The following MRTFA variants were observed in gnomAD, a reference collection of about 807,000 sequenced individuals.
MRTFA encodes myocardin related transcription factor A.
A neutral mutation model predicts 83.5 loss-of-function variants in MRTFA; 20 were observed. The ratio of observed to expected loss-of-function variants is 0.24; its 90% CI spans 0.17 to 0.35. The LOEUF (loss-of-function observed/expected upper bound fraction) is 0.35, where lower values mean the gene tolerates loss of function less well. Among genes scored for constraint, MRTFA ranks in the 10% least tolerant of loss-of-function variants. The pLI is 1.00. For synonymous variants in MRTFA, 659 were observed against 541.2 expected, an observed-to-expected ratio of 1.22 and a Z score of -3.02; for missense variants, 1,200 against 1,224.7, an observed-to-expected ratio of 0.98 and a Z score of 0.30.
At chr22:40,595,116 C>CTTTTT (rs778797295) in intron 1 of MRTFA, among the ~76,000 whole-genome samples, 2 of 119,300 alleles carry the variant, frequency 1.7e-5, no homozygotes, top group African/African-American at 3.2e-5. Context: ...TGATAAATGC[C>CTTTTT]TTTTTTTTTT....
intron 1 of MRTFA, among the ~76,000 whole-genome samples, chr22:40,626,538 C>A (rs1311489761): frequency 6.6e-6 from 1 of 152,120 alleles, no homozygotes; most frequent in Non-Finnish European, 1.5e-5. Flanking sequence ...AGCAATCCTC[C>A]CAAAGTACTG....
intron 2 of MRTFA, among the ~76,000 whole-genome samples, chr22:40,585,504 A>G (rs1034989159): frequency 1.3e-5 from 2 of 152,198 alleles, no homozygotes; most frequent in African/African-American, 2.4e-5. Context: ...TGACAGTTGC[A>G]TAACATTATG....
intron 4 of MRTFA, among the ~76,000 whole-genome samples, chr22:40,452,771 A>C (rs1199131830): frequency 7.0e-6 from 1 of 142,576 alleles, no homozygotes; most frequent in Non-Finnish European, 1.5e-5. Context: ...GCCCCACTGC[A>C]CTCCTGCCTG....
In MRTFA at chr22:40,418,821, G is replaced by A. The variant is rs759668949; in HGVS notation, c.1917C>T (p.Arg639=). 1.2e-5 allele frequency: 19 copies of A among 1,610,598 alleles called. No individual in the cohort carries two copies. The highest frequency in any genetic ancestry group is 1.7e-5 in the Admixed American group (1 of 59,970). ...CCAGCTGCTGCTTCTGCCGGAGCATGCGCGTCAGCGCCTCGATCTGCTTGT... is the reference window on the plus strand; with the variant it reads ...CCAGCTGCTGCTTCTGCCGGAGCATACGCGTCAGCGCCTCGATCTGCTTGT... Residue 639 remains arginine (R), a synonymous_variant, in exon 12 of 15, where the codon CGC becomes CGT. Transcript: ENST00000355630.
intron 3 of MRTFA, among the ~76,000 whole-genome samples, chr22:40,518,139 T>A (rs975053927): frequency 1.3e-5 from 2 of 152,108 alleles, no homozygotes; most frequent in African/African-American, 4.8e-5. Context: ...ATTGACAAAT[T>A]TAAGTAAAGG....
intron 3 of MRTFA, among the ~76,000 whole-genome samples, chr22:40,533,319 TAAAGAAGAC>T (rs1422260002): frequency 6.6e-6 from 1 of 152,222 alleles, no homozygotes; most frequent in East Asian, 1.9e-4. Context: ...AACACTTGAT[TAAAGAAGAC>T]AAAGAGTTTT....
At chr22:40,504,705 T>C (rs550594614) in intron 3 of MRTFA, among the ~76,000 whole-genome samples, 2 of 152,298 alleles carry the variant, frequency 1.3e-5, no homozygotes, top group East Asian at 1.9e-4. Flanking sequence ...TGAAGAGGAT[T>C]TGATCAGAAT....
At position 40,420,581 on chromosome 22, in the gene MRTFA, G is replaced by T; in HGVS notation, c.1182-5C>A. 1 of 1,612,622 alleles carries T rather than the reference G, an allele frequency of 6.2e-7. No individual in the cohort carries two copies. Among genetic ancestry groups the T allele is most frequent in the Middle Eastern group, 1.7e-4 (1 of 5,886 alleles). On this transcript the variant is annotated splice_polypyrimidine_tract_variant and splice_region_variant and intron_variant, in intron 10 of 14. Coordinates refer to ENST00000355630, the MANE Select transcript of MRTFA (RefSeq NM_020831.6). ...CCCAGGGCCTCGCCTGCTGACCTGG[G>T]AAGAAAAGGCAGAAATTAGCCCCAT...
At chr22:40,434,023 C>G (rs1010593163) in intron 5 of MRTFA, among the ~76,000 whole-genome samples, 2 of 152,194 alleles carry the variant, frequency 1.3e-5, no homozygotes. Flanking sequence ...CTTCTCTTAG[C>G]TGCATCTATA....
rs771189410 is a variant in MRTFA at position 40,418,485 on chromosome 22, C to T, written c.2253G>A (p.Lys751=). The change falls in exon 12 of 15, where the codon AAG becomes AAA. Residue 751 remains lysine (K), a synonymous_variant. Transcript: ENST00000355630. ...TGATGAGGGTGGGAGGTGCAACCCC[C>T]TTGATGAGGCTGGGGCCCTGAGGCC... 12 of 1,612,422 alleles carry T rather than the reference C, an allele frequency of 7.4e-6. No homozygotes were observed. In the Admixed American group the frequency reaches 1.8e-4, roughly 25 times the overall value.
At chr22:40,560,586 T>A (rs1356902285) in intron 2 of MRTFA, among the ~76,000 whole-genome samples, 1 of 152,230 alleles carries the variant, frequency 6.6e-6, no homozygotes, top group Non-Finnish European at 1.5e-5. Context: ...GTATTTACTG[T>A]AAAACCTGAA....
chr22:40,581,398 T>C (rs1047654727), intron 2 of MRTFA, among the ~76,000 whole-genome samples: 3 of 152,198 alleles, frequency 2.0e-5, no homozygotes, highest in Admixed American at 2.0e-4. Context: ...ATTCATCACC[T>C]TCACAAAATC....
intron 3 of MRTFA, among the ~76,000 whole-genome samples, chr22:40,541,648 C>CTG (rs112837274): frequency 0.011 from 1,733 of 151,010 alleles, 36 homozygotes; most frequent in African/African-American, 0.039. Flanking sequence ...TAGCTGATGG[C>CTG]TGTGTGTGTG....
intron 3 of MRTFA, among the ~76,000 whole-genome samples, chr22:40,491,882 T>C (rs897246590): frequency 1.3e-5 from 2 of 152,120 alleles, no homozygotes; most frequent in African/African-American, 2.4e-5. Flanking sequence ...CCACCCAAAG[T>C]CAAAGCTTGG....
At chr22:40,445,244 A>G (rs1430488670) in intron 4 of MRTFA, among the ~76,000 whole-genome samples, 2 of 152,146 alleles carry the variant, frequency 1.3e-5, no homozygotes, top group East Asian at 3.9e-4. Context: ...ACCTAGATTG[A>G]CCAGTTATCT....
intron 5 of MRTFA, among the ~76,000 whole-genome samples, chr22:40,435,156 G>GT (rs2053144181): frequency 6.6e-6 from 1 of 152,202 alleles, no homozygotes. Flanking sequence ...TCTACAAAAC[G>GT]TTAAGTGGAA....
intron 3 of MRTFA, among the ~76,000 whole-genome samples, chr22:40,490,643 C>A (rs953608408): frequency 2.6e-5 from 4 of 151,834 alleles, no homozygotes; most frequent in African/African-American, 4.8e-5. Context: ...AATATTCTCT[C>A]TGCAAACTGG....
intron 1 of MRTFA, among the ~76,000 whole-genome samples, chr22:40,598,105 C>T (rs1360670914): frequency 1.3e-5 from 2 of 152,068 alleles, no homozygotes; most frequent in African/African-American, 4.8e-5. Context: ...TTTAAAAATA[C>T]CTGACAGATT....
chr22:40,609,991 C>T lies in MRTFA; in HGVS notation c.-83-15256G>A, dbSNP rs568302096. Among the ~76,000 whole-genome samples the T allele has an allele frequency of 2.7e-4, 40 of 150,598 alleles. No homozygotes were observed. The South Asian group carries it at 7.9e-3, about 30-fold the overall frequency. On this transcript the variant is annotated intron_variant, in intron 1 of 14. Transcript: ENST00000355630. ...GATAAATAGATCTTTCCAAATTAAA[C>T]TATCAAGATTACACATACATGCAAT...
Sources: gnomAD v4.1 joint callset for allele counts (sites outside exome capture counted in the v4.1 genomes callset) on GRCh38, gnomAD v4.1.1 for gene constraint, MANE v1.5 for transcripts, NCBI Gene and HGNC (gene_info 2026-07-23, HGNC 2026-07-21) for gene names.